Variants in FAT1 observed in about 807,000 individuals in gnomAD.
FAT1 encodes FAT atypical cadherin 1.
FAT1 carries 171 observed loss-of-function variants against 329.8 expected under a neutral mutation model. The observed-to-expected ratio is 0.52, with a 90% CI of 0.46 to 0.59. The LOEUF is 0.59. Ranked by LOEUF, FAT1 falls within the 20% of genes least tolerant of loss-of-function variation. The pLI is 0.00. For synonymous variants in FAT1, 2,233 were observed against 2,228.6 expected (o/e 1.00, Z -0.06); for missense variants, 5,672 against 5,774.4 (o/e 0.98, Z 0.57).
chr4:186,639,828 A>G, intron 3 of FAT1, 45 bp from the exon 4 acceptor site: 1 of 1,469,364 alleles, frequency 6.8e-7, no homozygotes, highest in Non-Finnish European at 9.5e-7. Context: ...AATAAGGTCA[A>G]TTACAAAATA....
intron 2 of FAT1, among the ~76,000 whole-genome samples, chr4:186,682,533 A>T (rs1335128094): frequency 4.4e-5 from 2 of 45,544 alleles, no homozygotes; most frequent in Non-Finnish European, 2.1e-4. Context: ...TCTCAAAAAA[A>T]AAAAAAAAAA....
rs1267389940 is a variant in FAT1 at position 186,618,112 on chromosome 4, C to T, written c.8474G>A (p.Gly2825Glu). The change falls in exon 10 of 27, where the codon GGA (glycine) becomes GAA (glutamate). Residue 2825 changes from glycine to glutamate, a missense_variant. Around this residue, in one of 2 missense-constraint regions of FAT1, gnomAD observed 3,966 missense variants for 3,915.2 expected, o/e 1.01. Coordinates refer to ENST00000441802, the MANE Select transcript of FAT1 (RefSeq NM_005245.4). ...EAFIVENLPG[G>E]SRVIQIRASD... ...TGCCCTGATCTGAATTACTCTACTT[C>T]CCCCTGGCAGGTTTTCAACAATGAA... is the stretch of plus-strand genomic sequence containing the variant. The T allele has an allele frequency of 3.1e-6, 5 of 1,613,886 alleles. No individual in the cohort carries two copies. The highest frequency in any genetic ancestry group is 4.2e-6 in the Non-Finnish European group (5 of 1,179,882).
In FAT1 at chr4:186,613,265, C is replaced by T. The variant is rs774565160; in HGVS notation, c.9307G>A (p.Gly3103Arg). Residue 3103 changes from glycine to arginine, a missense_variant, in exon 13 of 27, where the codon GGA (glycine) becomes AGA (arginine). By Grantham distance (125) the Gly-to-Arg change is moderately radical. Transcript: ENST00000441802. ...YHLLVRATDG[G>R]GRFCQASIVL... ...ATACTGGCTTGGCAGAATCTTCCTCCTCCATCTGTGGCCCTGACGAGAAGA... is the reference window on the plus strand; with the variant it reads ...ATACTGGCTTGGCAGAATCTTCCTCTTCCATCTGTGGCCCTGACGAGAAGA... 1.2e-6 allele frequency: 2 copies of T among 1,613,896 alleles called. No individual in the cohort carries two copies. The highest frequency in any genetic ancestry group is 1.7e-6 in the Non-Finnish European group (2 of 1,179,890).
chr4:186,640,885 C>A (rs967860971), intron 3 of FAT1, among the ~76,000 whole-genome samples: 8 of 152,224 alleles, frequency 5.3e-5, no homozygotes, highest in African/African-American at 1.7e-4. Context: ...GGATGATCTG[C>A]ACCTCCGACC....
At chr4:186,672,074 C>A (rs1742756264) in intron 2 of FAT1, among the ~76,000 whole-genome samples, 1 of 152,220 alleles carries the variant, frequency 6.6e-6, no homozygotes, top group Admixed American at 6.5e-5. Context: ...CTATTTACTT[C>A]ACTGGTGTTG....
In FAT1 at chr4:186,606,224, A is replaced by G. The variant is rs1739129198; in HGVS notation, c.10207-11T>C. On this transcript the variant is annotated splice_polypyrimidine_tract_variant and intron_variant, in intron 16 of 26. Transcript: ENST00000441802. The stretch of plus-strand genomic sequence containing the variant: ...CGTGTAACCTGAAATCTTTTCAGGC[A>G]AAAGACAGAATGCACGTTCATTTTC... The G allele has an allele frequency of 6.2e-7, 1 of 1,612,928 alleles. No homozygotes were observed. The highest frequency in any genetic ancestry group is 1.3e-5 in the African/African-American group (1 of 74,760).
At chr4:186,716,997 C>T (rs988338849) in intron 1 of FAT1, among the ~76,000 whole-genome samples, 1 of 152,062 alleles carries the variant, frequency 6.6e-6, no homozygotes, top group African/African-American at 2.4e-5. Flanking sequence ...GAATTCCTGG[C>T]TGCAAGTCAT....
chr4:186,633,429 A>G (rs1346785506), intron 7 of FAT1, among the ~76,000 whole-genome samples: 1 of 152,200 alleles, frequency 6.6e-6, no homozygotes, highest in Non-Finnish European at 1.5e-5. Flanking sequence ...TTTTGATGGT[A>G]TAACGTTGGT....
intron 10 of FAT1, 95 bp from the exon 11 acceptor site, chr4:186,617,296 T>C: frequency 1.1e-6 from 1 of 894,158 alleles, no homozygotes; most frequent in Non-Finnish European, 1.6e-6. Context: ...TGTATAATGT[T>C]ATAGTTTAAA....
chr4:186,707,687 G>A lies in FAT1; in HGVS notation c.2141C>T (p.Pro714Leu), dbSNP rs200579335. 211 of 1,613,748 alleles carry A rather than the reference G, an allele frequency of 1.3e-4. No homozygotes were observed. The highest frequency in any genetic ancestry group is 1.7e-4 in the Non-Finnish European group (196 of 1,179,874). The change falls in exon 2 of 27, where the codon CCG becomes CTG. Residue 714 changes from proline to leucine, a missense_variant. By Grantham distance (98) the Pro-to-Leu change is moderately conservative (BLOSUM62 -3). Transcript: ENST00000441802. Reference sequence around the variant, plus strand: ...AGTCGGAAGAGTGCTTCTAAACTGCGGTATGTGAGCATTGACAGAGTGAGA... The same window carrying A: ...AGTCGGAAGAGTGCTTCTAAACTGCAGTATGTGAGCATTGACAGAGTGAGA... ...FDSHSVNAHI[P>L]QFRSTLPTGI...
intron 2 of FAT1, among the ~76,000 whole-genome samples, chr4:186,680,440 A>G (rs1743157695): frequency 6.6e-6 from 1 of 152,182 alleles, no homozygotes; most frequent in South Asian, 2.1e-4. Flanking sequence ...TTAATTACAC[A>G]CGACCGTTTC....
At position 186,707,395 on chromosome 4, in the gene FAT1, CACG is replaced by C; in HGVS notation, c.2430_2432del (p.Val813del). On this transcript the variant is annotated inframe_deletion, in exon 2 of 27. Transcript: ENST00000441802. The stretch of plus-strand genomic sequence containing the variant: ...GTGGATTATCATTGGCATCGACAAC[CACG>C]ACATGTAGAAGACGCCACGCAGCCT... 5 of 1,613,978 alleles carry C rather than the reference CACG, an allele frequency of 3.1e-6. No individual in the cohort carries two copies. The highest frequency in any genetic ancestry group is 4.2e-6 in the Non-Finnish European group (5 of 1,179,892).
intron 3 of FAT1, among the ~76,000 whole-genome samples, chr4:186,642,613 G>A (rs1158484952): frequency 6.6e-6 from 1 of 152,134 alleles, no homozygotes; most frequent in Non-Finnish European, 1.5e-5. Flanking sequence ...GGCAGCGTGT[G>A]CCAGGTGCTG....
At chr4:186,592,810 G>A in intron 26 of FAT1, 1 of 455,794 alleles carries the variant, frequency 2.2e-6, no homozygotes, top group East Asian at 6.9e-5. Flanking sequence ...TTAGAAAACA[G>A]TGCATGAAAT....
chr4:186,721,099 C>T (rs1315541605), intron 1 of FAT1, among the ~76,000 whole-genome samples: 1 of 152,218 alleles, frequency 6.6e-6, no homozygotes, highest in Non-Finnish European at 1.5e-5. Context: ...ATGAAGGATA[C>T]AGATTAAATC....
In FAT1 at chr4:186,707,101, G is replaced by A. The variant is rs771379501; in HGVS notation, c.2727C>T (p.Ser909=). The part of the protein sequence containing the change: ...DQAREEPQLF[S]TVVVKVSLED... Reference sequence around the variant, plus strand: ...CTAGTGATACTTTCACAACGACAGTGGAGAACAGCTGAGGCTCTTCTCTGG... The same window carrying A: ...CTAGTGATACTTTCACAACGACAGTAGAGAACAGCTGAGGCTCTTCTCTGG... Residue 909 remains serine (S), a synonymous_variant, in exon 2 of 27, where the codon TCC becomes TCT. Transcript: ENST00000441802. 3.1e-6 allele frequency: 5 copies of A among 1,613,970 alleles called. No homozygotes were observed. Among genetic ancestry groups the A allele is most frequent in the Non-Finnish European group, 4.2e-6 (5 of 1,179,888 alleles).
chr4:186,700,029 G>A (rs1264622358), intron 2 of FAT1, among the ~76,000 whole-genome samples: 1 of 152,156 alleles, frequency 6.6e-6, no homozygotes, highest in Non-Finnish European at 1.5e-5. Context: ...TCCCTGGCAA[G>A]GGGGACGGTG....
Position 186,615,871 on chromosome 4 carries a change from C to T in FAT1, c.9075+1134G>A, listed in dbSNP as rs193247875. Among the ~76,000 whole-genome samples the T allele has an allele frequency of 2.7e-3, 415 of 152,294 alleles. 2 individuals carry two copies. The highest frequency in any genetic ancestry group is 7.5e-3 in the South Asian group (36 of 4,828). On this transcript the variant is annotated intron_variant, in intron 11 of 26. Transcript: ENST00000441802. ...TTTCCCTAATACCCATCCAACATCTCGCCATCTCTCAATGTCTAAAAAACA... is the reference window on the plus strand; with the variant it reads ...TTTCCCTAATACCCATCCAACATCTTGCCATCTCTCAATGTCTAAAAAACA...
In FAT1 at chr4:186,636,210, G is replaced by A. The variant is rs757948428; in HGVS notation, c.3998C>T (p.Pro1333Leu). The A allele has an allele frequency of 2.2e-5, 35 of 1,613,986 alleles. No homozygotes were observed. Among genetic ancestry groups the A allele is most frequent in the Non-Finnish European group, 2.7e-5 (32 of 1,179,880 alleles). The change falls in exon 6 of 27, where the codon CCT becomes CTT. Residue 1333 changes from proline (P) to leucine (L), a missense_variant. This residue lies in a region of FAT1 where 3,966 missense variants were observed against 3,915.2 expected (regional missense o/e 1.01). Transcript: ENST00000441802. ...LSIKAVDNGRPQKSSTTRLHI... is the reference protein window; with the variant it reads ...LSIKAVDNGRLQKSSTTRLHI... Reference sequence around the variant, plus strand: ...GAGTCTGGTGGTTGATGACTTTTGAGGGCGACCATTGTCAACTGCCTTAAT... The same window carrying A: ...GAGTCTGGTGGTTGATGACTTTTGAAGGCGACCATTGTCAACTGCCTTAAT...
Sources: allele counts gnomAD v4.1 joint callset (sites outside exome capture counted in the v4.1 genomes callset), GRCh38; gene constraint gnomAD v4.1.1; regional missense constraint gnomAD v4.1.1; transcripts MANE v1.5; gene names NCBI Gene and HGNC (gene_info 2026-07-23, HGNC 2026-07-21).